The following THSD7B variants were observed in gnomAD, a reference collection of about 807,000 sequenced individuals.
THSD7B encodes the protein thrombospondin type 1 domain containing 7B.
THSD7B carries 138 observed loss-of-function variants against 213.6 expected under a neutral mutation model. That is an observed-to-expected ratio of 0.65 (90% CI 0.56 to 0.74). THSD7B has a LOEUF of 0.74. THSD7B is among the 30% of genes least tolerant of loss of function. The pLI is 0.00. For synonymous variants in THSD7B, 742 were observed against 687.0 expected, an observed-to-expected ratio of 1.08 and a Z score of -1.25; for missense variants, 1,931 against 1,991.5, an observed-to-expected ratio of 0.97 and a Z score of 0.58.
rs1001647865 is a variant in THSD7B, at chr2:136,870,795, C to T, written c.-35-11349C>T. ...AGGAGAAGAGGTAAAGTTCAACTAG[C>T]AGAGTCTTAGATTTTATCCTGTGAT... On this transcript the variant is annotated intron_variant, in intron 1 of 27. Coordinates refer to ENST00000409968, the MANE Select transcript of THSD7B (RefSeq NM_001316349.2). Among the ~76,000 whole-genome samples, 40 of 152,146 alleles carry T rather than the reference C, an allele frequency of 2.6e-4. 1 individual carries two copies. The highest frequency in any genetic ancestry group is 2.6e-3 in the Admixed American group (40 of 15,270).
intron 2 of THSD7B, among the ~76,000 whole-genome samples, chr2:136,915,787 G>A (rs1657229249): frequency 6.6e-6 from 1 of 152,134 alleles, no homozygotes; most frequent in African/African-American, 2.4e-5. Context: ...TTAGTTCCTT[G>A]TACAGTAAGT....
chr2:136,847,788 A>G (rs936378044), intron 1 of THSD7B, among the ~76,000 whole-genome samples: 3 of 152,162 alleles, frequency 2.0e-5, no homozygotes, highest in Non-Finnish European at 4.4e-5. Context: ...CTTGCCTTTA[A>G]TGTTTACCTT....
intron 25 of THSD7B, among the ~76,000 whole-genome samples, chr2:137,662,620 T>C (rs1381524932): frequency 6.6e-6 from 1 of 152,170 alleles, no homozygotes; most frequent in Non-Finnish European, 1.5e-5. Context: ...GAACACTTAA[T>C]TCAAAGAAGA....
intron 1 of THSD7B, among the ~76,000 whole-genome samples, chr2:136,849,388 T>C (rs929815673): frequency 4.3e-4 from 66 of 152,166 alleles, no homozygotes; most frequent in Non-Finnish European, 1.5e-5. Flanking sequence ...AACGCTAGTC[T>C]TTTTGCCATC....
chr2:137,434,618 A>C (rs1435509032), intron 14 of THSD7B, among the ~76,000 whole-genome samples: 1 of 152,206 alleles, frequency 6.6e-6, no homozygotes, highest in Non-Finnish European at 1.5e-5. Context: ...GCACTCAGGC[A>C]TGACAATGTG....
chr2:137,284,006 T>TTG (rs1411274748), intron 12 of THSD7B, among the ~76,000 whole-genome samples: 13 of 152,124 alleles, frequency 8.5e-5, no homozygotes, highest in African/African-American at 2.7e-4. Context: ...CTGGTAGAAT[T>TTG]CAGCTGTGAA....
At chr2:136,975,670 C>T (rs1685469128) in intron 2 of THSD7B, among the ~76,000 whole-genome samples, 1 of 152,086 alleles carries the variant, frequency 6.6e-6, no homozygotes, top group African/African-American at 2.4e-5. Flanking sequence ...GATGTATAGG[C>T]TCTTTTTTGG....
intron 20 of THSD7B, among the ~76,000 whole-genome samples, chr2:137,625,534 A>T (rs1432819519): frequency 6.6e-6 from 1 of 152,172 alleles, no homozygotes; most frequent in East Asian, 1.9e-4. Flanking sequence ...AGGAAAGTAC[A>T]AAACATAGCA....
At chr2:137,001,827 C>G (rs1345365095) in intron 2 of THSD7B, among the ~76,000 whole-genome samples, 1 of 152,166 alleles carries the variant, frequency 6.6e-6, no homozygotes, top group Non-Finnish European at 1.5e-5. Flanking sequence ...AACCCAAGAG[C>G]TGTTTTTCTA....
intron 2 of THSD7B, among the ~76,000 whole-genome samples, chr2:137,023,650 C>T (rs1686488539): frequency 6.6e-6 from 1 of 152,114 alleles, no homozygotes; most frequent in African/African-American, 2.4e-5. Context: ...TTAAATCCCT[C>T]AGGGAAAATG....
In THSD7B at chr2:137,507,386, T is replaced by C. The variant is rs78681433; in HGVS notation, c.3139-55835T>C. 3.3e-3 allele frequency among the ~76,000 whole-genome samples: 503 copies of C among 152,296 alleles called. 9 individuals carry two copies. The East Asian group carries it at 0.044, about 13-fold the overall frequency. On this transcript the variant is annotated intron_variant, in intron 15 of 27. Coordinates refer to ENST00000409968, the MANE Select transcript of THSD7B (RefSeq NM_001316349.2). Reference sequence around the variant, plus strand: ...ACTGTCTTTCTCCCTTGGCAACAAATTCCCATAACTTTGGGGTTCGGTGAT... The same window carrying C: ...ACTGTCTTTCTCCCTTGGCAACAAACTCCCATAACTTTGGGGTTCGGTGAT...
At position 137,117,161 on chromosome 2, in the gene THSD7B, AGGTTTTATTTTG is replaced by A. The variant is rs1160824628; in HGVS notation, c.1369+1869_1369+1880del. On this transcript the variant is annotated intron_variant, in intron 5 of 27. Coordinates refer to ENST00000409968, the MANE Select transcript of THSD7B (RefSeq NM_001316349.2). Reference sequence around the variant, plus strand: ...TGCTTACCTTAGTAGTTGTTATCAAAGGTTTTATTTTGCTCTTGTGTGGAAGTGAACCAGCGG... The same window carrying A: ...TGCTTACCTTAGTAGTTGTTATCAAACTCTTGTGTGGAAGTGAACCAGCGG... 5.1e-3 allele frequency among the ~76,000 whole-genome samples: 771 copies of A among 152,292 alleles called. 9 individuals are homozygous for A. Among genetic ancestry groups the A allele is most frequent in the African/African-American group, 0.018 (737 of 41,554 alleles).
chr2:137,039,961 G>A (rs184343072), intron 2 of THSD7B, among the ~76,000 whole-genome samples: 520 of 152,284 alleles, frequency 3.4e-3, no homozygotes, highest in Non-Finnish European at 4.4e-3. Context: ...TGGTTTTCTG[G>A]TTGTAGCTGA....
chr2:137,565,661 T>G (rs988247931), intron 16 of THSD7B, among the ~76,000 whole-genome samples: 3 of 152,162 alleles, frequency 2.0e-5, no homozygotes, highest in African/African-American at 7.2e-5. Flanking sequence ...TCCCCTAGAA[T>G]TTATGTCCTT....
At chr2:137,588,783 T>C (rs2104811006) in intron 17 of THSD7B, among the ~76,000 whole-genome samples, 1 of 151,736 alleles carries the variant, frequency 6.6e-6, no homozygotes, top group Non-Finnish European at 1.5e-5. Flanking sequence ...TTTATTTATT[T>C]ATTTATTTAT....
At chr2:137,663,078 A>G (rs1028623977) in intron 25 of THSD7B, among the ~76,000 whole-genome samples, 8 of 151,478 alleles carry the variant, frequency 5.3e-5, no homozygotes, top group African/African-American at 1.7e-4. Context: ...AAAAAAAAAA[A>G]GACAAAAAGA....
chr2:137,335,840 A>T (rs538038296), intron 12 of THSD7B, among the ~76,000 whole-genome samples: 1 of 152,206 alleles, frequency 6.6e-6, no homozygotes, highest in East Asian at 1.9e-4. Context: ...TAATTGAAGA[A>T]TATTGCCCTA....
At chr2:137,016,384 A>G (rs542689793) in intron 2 of THSD7B, among the ~76,000 whole-genome samples, 11 of 152,240 alleles carry the variant, frequency 7.2e-5, no homozygotes, top group African/African-American at 2.2e-4. Flanking sequence ...TTTTTGACAA[A>G]GTCGTCTGTC....
At chr2:137,316,059 T>G (rs1383269018) in intron 12 of THSD7B, among the ~76,000 whole-genome samples, 1 of 152,248 alleles carries the variant, frequency 6.6e-6, no homozygotes, top group Non-Finnish European at 1.5e-5. Flanking sequence ...GTCTTTGATA[T>G]CATCACAGAA....
Sources: gnomAD v4.1 joint callset for allele counts (sites outside exome capture counted in the v4.1 genomes callset) on GRCh38, gnomAD v4.1.1 for gene constraint, MANE v1.5 for transcripts, NCBI Gene and HGNC (gene_info 2026-07-23, HGNC 2026-07-21) for gene names.